Variants in MROH7 observed in about 807,000 individuals in gnomAD.
MROH7 encodes the protein maestro heat-like repeat-containing protein family member 7.
MROH7 carries 113 observed loss-of-function variants against 129.2 expected under a neutral mutation model. That is an observed-to-expected ratio of 0.87 (90% CI 0.75 to 1.02). MROH7 has a LOEUF of 1.02. Among genes scored for constraint, MROH7 ranks in the 50% least tolerant of loss-of-function variants. The pLI is 0.00. For synonymous variants in MROH7, 655 were observed against 667.9 expected (o/e 0.98, Z 0.30); for missense variants, 1,601 against 1,671.3 (o/e 0.96, Z 0.73).
At chr1:54,674,433 T>C (rs926758239) in intron 10 of MROH7, among the ~76,000 whole-genome samples, 1 of 152,194 alleles carries the variant, frequency 6.6e-6, no homozygotes, top group Non-Finnish European at 1.5e-5. Flanking sequence ...CCCTTAATAC[T>C]ATGTATACCT....
rs375161664 is a variant in MROH7, at chr1:54,682,782, C to A, written c.2508C>A (p.Ile836=). 1 of 1,612,250 alleles carries A rather than the reference C, an allele frequency of 6.2e-7. No homozygotes were observed. The highest frequency in any genetic ancestry group is 1.1e-5 in the South Asian group (1 of 91,000). Residue 836 remains isoleucine (I), a synonymous_variant, in exon 14 of 24, where the codon ATC becomes ATA. Transcript: ENST00000421030. Reference sequence around the variant, plus strand: ...TCACCAAGGAGGGCCGGGCTTCCATCGTGCCCCTGGCGGTGAGCACCCAGT... The same window carrying A: ...TCACCAAGGAGGGCCGGGCTTCCATAGTGCCCCTGGCGGTGAGCACCCAGT... ...KPVTKEGRAS[I]VPLAAASGLC...
intron 8 of MROH7, 136 bp downstream of exon 8, chr1:54,673,322 C>T (rs1644931201): frequency 7.4e-6 from 5 of 671,750 alleles, no homozygotes; most frequent in South Asian, 5.4e-5. Flanking sequence ...GTTCTGCCTC[C>T]CTGTCTGTCT....
intron 3 of MROH7, among the ~76,000 whole-genome samples, chr1:54,658,053 C>T (rs1644675659): frequency 1.3e-5 from 2 of 152,134 alleles, no homozygotes; most frequent in South Asian, 4.1e-4. Context: ...CATAACTCTT[C>T]ATCTTATGAA....
In MROH7 at chr1:54,680,058, G is replaced by C. The variant is rs769650452; in HGVS notation, c.2381+13G>C. On this transcript the variant is annotated intron_variant, in intron 13 of 23. Coordinates refer to ENST00000421030, the MANE Select transcript of MROH7 (RefSeq NM_001039464.4). ...TCCCACTGAACAGGTACCAAGTGAA[G>C]GGGTTCCCAGCCACTGCATCTTACA... is the stretch of plus-strand genomic sequence containing the variant. 6.2e-7 allele frequency: 1 copy of C among 1,611,002 alleles called. No individual in the cohort carries two copies. The highest frequency in any genetic ancestry group is 8.5e-7 in the Non-Finnish European group (1 of 1,177,760).
chr1:54,695,265 A>G (rs1645301321), intron 16 of MROH7, 111 bp from the exon 17 acceptor site: 1 of 636,552 alleles, frequency 1.6e-6, no homozygotes, highest in African/African-American at 1.8e-5. Context: ...GAACGCAGGA[A>G]TCCAGGTGAT....
rs201217871 is a variant in MROH7, at chr1:54,709,992, C to G, written c.3777C>G (p.Tyr1259Ter). Reference protein sequence around the residue: ...RHDPEASVCIYAAQVQDHILA... With the variant: ...RHDPEASVCI ...ACCCAGAAGCATCAGTGTGCATCTA[C>G]GCAGCCCAGGTCCAGGACCACATCC... is the stretch of plus-strand genomic sequence containing the variant. The change falls in exon 24 of 24, where the codon TAC (tyrosine) becomes TAG (stop). Residue 1259 changes from tyrosine (Y) to a stop codon, truncating the protein, a stop_gained. Transcript: ENST00000421030. LOFTEE classifies it high-confidence loss of function. 15 of 1,614,114 alleles carry G rather than the reference C, an allele frequency of 9.3e-6. No homozygotes were observed. Among genetic ancestry groups the G allele is most frequent in the Admixed American group, 1.7e-5 (1 of 60,022 alleles).
rs561759422 is a variant in MROH7, at chr1:54,686,796, A to G, written c.2711+348A>G. Among the ~76,000 whole-genome samples, 17 of 152,292 alleles carry G rather than the reference A, an allele frequency of 1.1e-4. No individual in the cohort carries two copies. In the South Asian group the frequency reaches 3.5e-3, roughly 32 times the overall value. ...TATTTTTAATTATTAATTGGAGTAG[A>G]TAATATAGGCACATGGGTAAAATAC... On this transcript the variant is annotated intron_variant, in intron 15 of 23. Coordinates refer to ENST00000421030, the MANE Select transcript of MROH7 (RefSeq NM_001039464.4).
rs770800441 is a variant in MROH7 at position 54,654,103 on chromosome 1, C to T, written c.1177C>T (p.Pro393Ser). 6.2e-7 allele frequency: 1 copy of T among 1,613,894 alleles called. No homozygotes were observed. Residue 393 changes from proline to serine, a missense_variant, in exon 3 of 24, where the codon CCC becomes TCC. Physicochemically the swap from Pro to Ser is moderately conservative, Grantham distance 74. Coordinates refer to ENST00000421030, the MANE Select transcript of MROH7 (RefSeq NM_001039464.4). The stretch of plus-strand genomic sequence containing the variant: ...GGTGGGCCAGTTCCCGCTGGGATTC[C>T]CCATCTCCAACCCCGCAGGCAAGGA... ...IKVGQFPLGF[P>S]ISNPAGKDAV...
At chr1:54,690,873 G>T (rs892854214) in intron 15 of MROH7, among the ~76,000 whole-genome samples, 1 of 152,166 alleles carries the variant, frequency 6.6e-6, no homozygotes, top group Admixed American at 6.5e-5. Context: ...AGCTCAATCT[G>T]TGCCCAAGCC....
At chr1:54,687,329 C>G (rs1204186055) in intron 15 of MROH7, among the ~76,000 whole-genome samples, 2 of 152,222 alleles carry the variant, frequency 1.3e-5, no homozygotes, top group African/African-American at 4.8e-5. Flanking sequence ...CCCGCCTCAG[C>G]CTCCCAAAGT....
chr1:54,691,699 G>A (rs532188024), intron 15 of MROH7, among the ~76,000 whole-genome samples: 1,703 of 151,756 alleles, frequency 0.011, 33 homozygotes, highest in African/African-American at 0.039. Flanking sequence ...CCAGCTACTC[G>A]GGAGGCTGAG....
intron 16 of MROH7, among the ~76,000 whole-genome samples, chr1:54,692,959 C>CT (rs1457243031): frequency 6.6e-6 from 1 of 152,160 alleles, no homozygotes; most frequent in Non-Finnish European, 1.5e-5. Context: ...TTACTTCCCT[C>CT]TGAGTCTCCA....
intron 4 of MROH7, among the ~76,000 whole-genome samples, chr1:54,668,264 A>G (rs1033462956): frequency 2.6e-5 from 4 of 152,252 alleles, no homozygotes; most frequent in Admixed American, 2.0e-4. Flanking sequence ...AAGATTCAAG[A>G]GGAATCTGTC....
At position 54,702,702 on chromosome 1, in the gene MROH7, G is replaced by A. The variant is rs769640448; in HGVS notation, c.3521G>A (p.Trp1174Ter). 2 of 1,613,852 alleles carry A rather than the reference G, an allele frequency of 1.2e-6. No homozygotes were observed. Among genetic ancestry groups the A allele is most frequent in the African/African-American group, 1.3e-5 (1 of 75,034 alleles). Residue 1174 changes from tryptophan (W) to a stop codon, truncating the protein, a stop_gained, in exon 21 of 24, where the codon TGG (tryptophan) becomes TAG (stop). Transcript: ENST00000421030. LOFTEE classifies it high-confidence loss of function. ...LPKRAYSRKP[W>*]DNQQQTVAKI... ...AAAAGAGCTTATAGCCGGAAGCCCT[G>A]GGACAACCAACAGCAGACAGTGGCC...
Position 54,670,872 on chromosome 1 carries a change from C to T in MROH7, c.1542C>T (p.Ser514=). Residue 514 remains serine (S), a synonymous_variant, in exon 7 of 24, where the codon TCC becomes TCT. Coordinates refer to ENST00000421030, the MANE Select transcript of MROH7 (RefSeq NM_001039464.4). ...LVNVCVHSVF[S]LPSVQAMQEK... ...ACGTGTGTGTGCACAGCGTGTTCTC[C>T]CTGCCCTCCGTGCAGGCGATGCAGG... is the stretch of plus-strand genomic sequence containing the variant. 6.2e-7 allele frequency: 1 copy of T among 1,613,376 alleles called. No homozygotes were observed. Among genetic ancestry groups the T allele is most frequent in the Non-Finnish European group, 8.5e-7 (1 of 1,179,776 alleles).
intron 16 of MROH7, among the ~76,000 whole-genome samples, chr1:54,692,845 CAG>C (rs1414838446): frequency 6.6e-6 from 1 of 152,204 alleles, no homozygotes; most frequent in African/African-American, 2.4e-5. Context: ...CATGCCAAAA[CAG>C]AAATGGTGGT....
intron 3 of MROH7, among the ~76,000 whole-genome samples, chr1:54,661,576 A>G (rs953713200): frequency 5.9e-4 from 88 of 149,846 alleles, no homozygotes; most frequent in Admixed American, 1.9e-3. Flanking sequence ...TAAAAATATT[A>G]TTTGTTTGTT....
At chr1:54,706,607 G>C (rs1327727169) in intron 22 of MROH7, 70 bp downstream of exon 22, 2 of 1,218,652 alleles carry the variant, frequency 1.6e-6, no homozygotes, top group African/African-American at 3.0e-5. Context: ...TTCCTCCCAG[G>C]CTGCTAGCCC....
At chr1:54,707,774 C>CT (rs1645559034) in intron 22 of MROH7, among the ~76,000 whole-genome samples, 2 of 152,046 alleles carry the variant, frequency 1.3e-5, no homozygotes, top group Admixed American at 6.6e-5. Flanking sequence ...GATTATTAAC[C>CT]TTTTTTGGGT....
Sources: allele counts gnomAD v4.1 joint callset (sites outside exome capture counted in the v4.1 genomes callset), GRCh38; gene constraint gnomAD v4.1.1; transcripts MANE v1.5; gene names NCBI Gene and HGNC (gene_info 2026-07-23, HGNC 2026-07-21).